The following TENM4 variants were observed in gnomAD, a reference collection of about 807,000 sequenced individuals.
The protein encoded by TENM4 is teneurin-4.
TENM4 carries 82 observed loss-of-function variants against 243.3 expected under a neutral mutation model. The ratio of observed to expected loss-of-function variants is 0.34; its 90% CI spans 0.28 to 0.40. The LOEUF (loss-of-function observed/expected upper bound fraction) is 0.40, where lower values mean the gene tolerates loss of function less well. TENM4 is among the 10% of genes least tolerant of loss of function. The pLI is 1.00. For missense variants in TENM4, 3,138 were observed against 3,673.3 expected (o/e 0.85, Z 3.77); for synonymous variants, 1,412 against 1,456.3 (o/e 0.97, Z 0.69).
chr11:79,383,510 A>G (rs1858048861), intron 1 of TENM4, among the ~76,000 whole-genome samples: 2 of 152,168 alleles, frequency 1.3e-5, no homozygotes, highest in Non-Finnish European at 2.9e-5. Context: ...TCAGGAAGGG[A>G]GCTGCGATAT....
intron 1 of TENM4, among the ~76,000 whole-genome samples, chr11:79,379,163 G>A (rs779949335): frequency 6.6e-6 from 1 of 152,182 alleles, no homozygotes; most frequent in Non-Finnish European, 1.5e-5. Context: ...AGCAGCATAT[G>A]CAAGGCCAGG....
intron 1 of TENM4, among the ~76,000 whole-genome samples, chr11:79,320,075 G>C (rs370981735): frequency 6.6e-6 from 1 of 152,164 alleles, no homozygotes; most frequent in Non-Finnish European, 1.5e-5. Flanking sequence ...AGCATGGAGA[G>C]CCCAGAGCGC....
chr11:79,290,251 G>A (rs1030353961), intron 2 of TENM4, among the ~76,000 whole-genome samples: 1 of 152,178 alleles, frequency 6.6e-6, no homozygotes, highest in South Asian at 2.1e-4. Flanking sequence ...TAGATCAAAG[G>A]TGTCAGTAGG....
intron 3 of TENM4, among the ~76,000 whole-genome samples, chr11:79,210,966 A>G (rs773916883): frequency 2.6e-5 from 4 of 152,072 alleles, no homozygotes; most frequent in Non-Finnish European, 4.4e-5. Context: ...CAATCACAAA[A>G]AGCCCCACCT....
chr11:79,429,015 A>G (rs1478511165), intron 1 of TENM4, among the ~76,000 whole-genome samples: 1 of 152,188 alleles, frequency 6.6e-6, no homozygotes, highest in Non-Finnish European at 1.5e-5. Flanking sequence ...AGTCTTTGGT[A>G]AAAAGCACCT....
At chr11:79,328,212 C>A (rs490195) in intron 1 of TENM4, among the ~76,000 whole-genome samples, 2 of 151,996 alleles carry the variant, frequency 1.3e-5, no homozygotes, top group Non-Finnish European at 2.9e-5. Flanking sequence ...TATGGTCCTA[C>A]TTGGATGTGA....
intron 2 of TENM4, among the ~76,000 whole-genome samples, chr11:79,256,788 A>C (rs1855707505): frequency 6.6e-6 from 1 of 152,152 alleles, no homozygotes; most frequent in Admixed American, 6.5e-5. Context: ...TCAGGCTTTC[A>C]TTGGGTGATA....
At chr11:78,766,706 A>T (rs973618789) in intron 18 of TENM4, among the ~76,000 whole-genome samples, 63 of 144,206 alleles carry the variant, frequency 4.4e-4, no homozygotes, top group African/African-American at 5.6e-4. Flanking sequence ...GGCTCCCCCA[A>T]TTTTTTTTTT....
chr11:79,398,816 C>G (rs1489173419), intron 1 of TENM4, among the ~76,000 whole-genome samples: 1 of 146,298 alleles, frequency 6.8e-6, no homozygotes, highest in Non-Finnish European at 1.5e-5. Context: ...ATAAGGTATG[C>G]TGGGGGCCCA....
chr11:78,704,113 CTA>C lies in TENM4; in HGVS notation c.4210-1712_4210-1711del, dbSNP rs772160605. ...CATATACATATGTATGTGTGTGTGTCTATATATATATATACACGTGTATGTCT... is the reference window on the plus strand; with the variant it reads ...CATATACATATGTATGTGTGTGTGTCTATATATATATACACGTGTATGTCT... On this transcript the variant is annotated intron_variant, in intron 27 of 33. Transcript: ENST00000278550. 1.8e-3 allele frequency among the ~76,000 whole-genome samples: 227 copies of C among 124,570 alleles called. 1 individual carries two copies. The highest frequency in any genetic ancestry group is 5.8e-3 in the African/African-American group (190 of 32,562). The allele number at this position is 124,570 out of a possible 152,430, so 81.7% of individuals were successfully genotyped here.
rs565504441 is a variant in TENM4 at position 79,424,706 on chromosome 11, G to T, written c.-321+15803C>A. Reference sequence around the variant, plus strand: ...TCCCAACACTTTGGGAGGCCGAGGCGGGCGGATCATGAGGTCAGGATATCG... The same window carrying T: ...TCCCAACACTTTGGGAGGCCGAGGCTGGCGGATCATGAGGTCAGGATATCG... On this transcript the variant is annotated intron_variant, in intron 1 of 33. Transcript: ENST00000278550. Among the ~76,000 whole-genome samples, 494 of 152,066 alleles carry T rather than the reference G, an allele frequency of 3.2e-3. 3 individuals carry two copies. Among genetic ancestry groups the T allele is most frequent in the Middle Eastern group, 3.4e-3 (1 of 292 alleles).
chr11:79,041,210 T>C (rs1859517816), intron 6 of TENM4, among the ~76,000 whole-genome samples: 1 of 152,110 alleles, frequency 6.6e-6, no homozygotes, highest in Non-Finnish European at 1.5e-5. Context: ...ACTACAGGCA[T>C]CTGCCACTGC....
intron 6 of TENM4, among the ~76,000 whole-genome samples, chr11:78,971,156 C>T (rs553932725): frequency 2.7e-4 from 41 of 151,612 alleles, no homozygotes; most frequent in Non-Finnish European, 5.0e-4. Context: ...CCCGAGTAGT[C>T]GGGATCATAG....
chr11:79,349,062 G>A (rs956530151), intron 1 of TENM4, among the ~76,000 whole-genome samples: 1 of 152,114 alleles, frequency 6.6e-6, no homozygotes, highest in Admixed American at 6.5e-5. Context: ...GGCTTGCCCA[G>A]GACTACAATA....
chr11:79,099,222 G>A (rs192010387), intron 4 of TENM4, among the ~76,000 whole-genome samples: 148 of 152,224 alleles, frequency 9.7e-4, no homozygotes, highest in African/African-American at 3.5e-3. Flanking sequence ...TGCCAGGGGT[G>A]CATCTGAGGG....
intron 6 of TENM4, among the ~76,000 whole-genome samples, chr11:79,004,773 A>G (rs1280858782): frequency 3.3e-5 from 5 of 152,148 alleles, no homozygotes; most frequent in Non-Finnish European, 7.4e-5. Context: ...AAGGAAATTG[A>G]GATGCAAAAA....
At chr11:79,403,379 A>G (rs1354637343) in intron 1 of TENM4, among the ~76,000 whole-genome samples, 2 of 152,158 alleles carry the variant, frequency 1.3e-5, no homozygotes, top group African/African-American at 4.8e-5. Flanking sequence ...TTTCAGGTAC[A>G]TTTTTATCTC....
chr11:79,186,670 T>C (rs1285401522), intron 3 of TENM4, among the ~76,000 whole-genome samples: 1 of 152,070 alleles, frequency 6.6e-6, no homozygotes, highest in Non-Finnish European at 1.5e-5. Flanking sequence ...TATTGGGGGA[T>C]TGGGTAGGAT....
At chr11:78,720,341 G>C (rs747234504) in intron 25 of TENM4, 29 bp downstream of exon 25, 1 of 1,613,498 alleles carries the variant, frequency 6.2e-7, no homozygotes, top group Non-Finnish European at 8.5e-7. Flanking sequence ...GCAGGGGTGA[G>C]GCAGGAAATT....
Sources: allele counts gnomAD v4.1 joint callset (sites outside exome capture counted in the v4.1 genomes callset), GRCh38; gene constraint gnomAD v4.1.1; transcripts MANE v1.5; gene names NCBI Gene and HGNC (gene_info 2026-07-23, HGNC 2026-07-21).